TDRP: variants seen among roughly 807,000 people sequenced by gnomAD.
TDRP encodes the protein testis development-related protein.
Under a neutral mutation model 10.5 loss-of-function variants are expected in TDRP, and 12 were observed. The observed-to-expected ratio is 1.15, with a 90% CI of 0.73 to 1.86. The LOEUF (loss-of-function observed/expected upper bound fraction) is 1.86, where lower values mean the gene tolerates loss of function less well. Ranked by LOEUF, TDRP falls within the 40% of genes most tolerant of loss-of-function variation. The pLI is 0.00. For missense variants in TDRP, 353 were observed against 229.2 expected (o/e 1.54, Z -3.49); for synonymous variants, 139 against 95.4 (o/e 1.46, Z -2.67).
intron 1 of TDRP, among the ~76,000 whole-genome samples, chr8:505,907 G>T (rs1200050609): frequency 6.6e-6 from 1 of 152,148 alleles, no homozygotes; most frequent in African/African-American, 2.4e-5. Flanking sequence ...TCGGCACGTA[G>T]ATATCAACTT....
At chr8:501,284 A>G (rs1308902255) in intron 1 of TDRP, among the ~76,000 whole-genome samples, 2 of 152,126 alleles carry the variant, frequency 1.3e-5, no homozygotes, top group Non-Finnish European at 2.9e-5. Flanking sequence ...TGCACCTACC[A>G]GTTCAGTCCA....
At chr8:518,676 A>G (rs73529929) in intron 1 of TDRP, among the ~76,000 whole-genome samples, 4,224 of 151,816 alleles carry the variant, frequency 0.028, 180 homozygotes, top group African/African-American at 0.098. Flanking sequence ...AAAGGAACTA[A>G]AAGAATCTGA....
intron 1 of TDRP, among the ~76,000 whole-genome samples, chr8:520,723 T>C (rs985363422): frequency 9.2e-4 from 140 of 152,360 alleles, no homozygotes; most frequent in African/African-American, 3.2e-3. Context: ...CATATGCTTA[T>C]AGGTCATTTG....
chr8:529,045 T>G (rs1037767369), intron 1 of TDRP, among the ~76,000 whole-genome samples: 1 of 152,164 alleles, frequency 6.6e-6, no homozygotes, highest in African/African-American at 2.4e-5. Flanking sequence ...GCTAGGCCAG[T>G]CTAGCCTTTT....
intron 1 of TDRP, among the ~76,000 whole-genome samples, chr8:514,946 G>A (rs1241912582): frequency 6.6e-6 from 1 of 152,118 alleles, no homozygotes; most frequent in Non-Finnish European, 1.5e-5. Flanking sequence ...GATCATGATG[G>A]TATTTATCCT....
At chr8:530,766 G>A (rs907010800) in intron 1 of TDRP, among the ~76,000 whole-genome samples, 1 of 152,168 alleles carries the variant, frequency 6.6e-6, no homozygotes, top group African/African-American at 2.4e-5. Context: ...AGCGCTCTGA[G>A]TCAGGCAAAA....
intron 1 of TDRP, among the ~76,000 whole-genome samples, chr8:527,335 A>G (rs1386804658): frequency 6.6e-6 from 1 of 152,136 alleles, no homozygotes; most frequent in Admixed American, 6.6e-5. Context: ...AAATATCCAT[A>G]TTGCCCAAAG....
At chr8:534,558 A>T (rs889459424) in intron 1 of TDRP, among the ~76,000 whole-genome samples, 3 of 152,190 alleles carry the variant, frequency 2.0e-5, no homozygotes, top group African/African-American at 7.2e-5. Context: ...AACACTAGCC[A>T]GTGCTTTAGC....
At chr8:543,181 G>A (rs1802544717) in intron 1 of TDRP, among the ~76,000 whole-genome samples, 2 of 152,182 alleles carry the variant, frequency 1.3e-5, no homozygotes, top group Admixed American at 1.3e-4. Flanking sequence ...GTGAGGTGGT[G>A]CGCACTTGTA....
chr8:506,089 G>T (rs889710977), intron 1 of TDRP, among the ~76,000 whole-genome samples: 2 of 152,098 alleles, frequency 1.3e-5, no homozygotes, highest in Non-Finnish European at 2.9e-5. Flanking sequence ...AAAGACAGAG[G>T]GGCAGAGCCA....
At chr8:499,234 T>TGTTTC (rs1029133139) in intron 1 of TDRP, among the ~76,000 whole-genome samples, 1 of 152,188 alleles carries the variant, frequency 6.6e-6, no homozygotes, top group African/African-American at 2.4e-5. Flanking sequence ...GTTTTTGTTT[T>TGTTTC]GTTTTGTTTT....
intron 1 of TDRP, among the ~76,000 whole-genome samples, chr8:540,576 T>A (rs77002530): frequency 0.013 from 1,921 of 152,232 alleles, 46 homozygotes; most frequent in African/African-American, 0.044. Context: ...TGTTGGAGGA[T>A]TGCAATGAAT....
At chr8:521,197 T>C (rs148275328) in intron 1 of TDRP, among the ~76,000 whole-genome samples, 88 of 129,478 alleles carry the variant, frequency 6.8e-4, no homozygotes, top group South Asian at 9.4e-4. Flanking sequence ...GGTCAGGAGA[T>C]AGAGATCATC....
intron 1 of TDRP, among the ~76,000 whole-genome samples, chr8:496,372 G>A (rs145272764): frequency 2.6e-5 from 4 of 152,312 alleles, no homozygotes; most frequent in South Asian, 4.1e-4. Flanking sequence ...GGACTCTGGA[G>A]GAAGGACCAT....
chr8:504,641 T>G (rs1801406013), intron 1 of TDRP, among the ~76,000 whole-genome samples: 1 of 149,424 alleles, frequency 6.7e-6, no homozygotes, highest in African/African-American at 2.5e-5. Flanking sequence ...AAGTCAGCAC[T>G]CCAGCCCTGT....
chr8:540,271 T>C (rs1019237630), intron 1 of TDRP, among the ~76,000 whole-genome samples: 2 of 152,320 alleles, frequency 1.3e-5, no homozygotes, highest in Admixed American at 1.3e-4. Context: ...AGCCTTAAAA[T>C]GGATTTTTTC....
At chr8:501,937 C>G (rs189169730) in intron 1 of TDRP, among the ~76,000 whole-genome samples, 2 of 152,242 alleles carry the variant, frequency 1.3e-5, no homozygotes, top group Non-Finnish European at 2.9e-5. Flanking sequence ...ACCCCCAGAA[C>G]AGTTCTGGAC....
intron 1 of TDRP, among the ~76,000 whole-genome samples, chr8:535,104 T>G (rs1452363167): frequency 6.6e-6 from 1 of 152,218 alleles, no homozygotes; most frequent in East Asian, 1.9e-4. Context: ...ATATTGTACT[T>G]CCATCTGAAA....
chr8:539,796 C>G (rs551445791), intron 1 of TDRP, among the ~76,000 whole-genome samples: 34 of 152,168 alleles, frequency 2.2e-4, no homozygotes, highest in Non-Finnish European at 4.6e-4. Flanking sequence ...CTAAAGCAAA[C>G]GTCACAGAGC....
Sources: gnomAD v4.1 joint callset for allele counts (sites outside exome capture counted in the v4.1 genomes callset) on GRCh38, gnomAD v4.1.1 for gene constraint, MANE v1.5 for transcripts, NCBI Gene and HGNC (gene_info 2026-07-23, HGNC 2026-07-21) for gene names.